Variants in HIBCH observed in about 807,000 individuals in gnomAD.
The protein encoded by HIBCH is 3-hydroxyisobutyryl-CoA hydrolase, mitochondrial.
In HIBCH, 50 loss-of-function variants were observed where a neutral mutation model predicts 58.2. The observed-to-expected ratio is 0.86, with a 90% CI of 0.68 to 1.09. The LOEUF (loss-of-function observed/expected upper bound fraction) is 1.09, where lower values mean the gene tolerates loss of function less well. HIBCH is among the 50% of genes least tolerant of loss of function. The pLI, the probability that HIBCH is intolerant of heterozygous loss-of-function variation, is 0.00. For synonymous variants in HIBCH, 151 were observed against 146.9 expected (o/e 1.03, Z -0.20); for missense variants, 450 against 449.7 (o/e 1.00, Z -0.01).
chr2:190,298,131 A>C (rs1000199767), intron 2 of HIBCH, among the ~76,000 whole-genome samples: 2 of 152,194 alleles, frequency 1.3e-5, no homozygotes, highest in African/African-American at 4.8e-5. Context: ...TATATGTGCC[A>C]CATTTTCTTT....
Position 190,319,793 on chromosome 2 carries a change from C to A in HIBCH, c.-43G>T. ...CTAAAGCAGCAGAGCGAGAATCTCC[C>A]GGACCGTTCCAGCGCCTCGCGTGAG... On this transcript the variant is annotated 5_prime_UTR_variant, in exon 1 of 14. Transcript: ENST00000359678. 2 of 1,596,624 alleles carry A rather than the reference C, an allele frequency of 1.3e-6. No individual in the cohort carries two copies. The highest frequency in any genetic ancestry group is 4.5e-5 in the East Asian group (2 of 44,362).
chr2:190,248,334 GTTTT>G (rs1006584003), intron 9 of HIBCH, among the ~76,000 whole-genome samples: 1 of 151,494 alleles, frequency 6.6e-6, no homozygotes, highest in Non-Finnish European at 1.5e-5. Flanking sequence ...ACGTCTATGG[GTTTT>G]TTTTTCTTCC....
At chr2:190,288,978 G>A (rs1687898877) in intron 5 of HIBCH, among the ~76,000 whole-genome samples, 2 of 152,084 alleles carry the variant, frequency 1.3e-5, no homozygotes, top group Non-Finnish European at 2.9e-5. Flanking sequence ...GGGTGTGGTG[G>A]TGCATGCCTG....
At chr2:190,221,132 T>C (rs1423315076) in intron 11 of HIBCH, among the ~76,000 whole-genome samples, 1 of 152,196 alleles carries the variant, frequency 6.6e-6, no homozygotes, top group African/African-American at 2.4e-5. Flanking sequence ...AAACTTTATT[T>C]AAAAAGTTCT....
rs1394369726 is a variant in HIBCH, at chr2:190,211,978, G to T, written c.1011+978C>A. Reference sequence around the variant, plus strand: ...AGTGGTCAAGAGTGCAGGCACTGGAGTAAGACTGCCTGGTTTCATATGCCA... The same window carrying T: ...AGTGGTCAAGAGTGCAGGCACTGGATTAAGACTGCCTGGTTTCATATGCCA... On this transcript the variant is annotated intron_variant, in intron 12 of 13. Coordinates refer to ENST00000359678, the MANE Select transcript of HIBCH (RefSeq NM_014362.4). This position sits in a 1 kb window ranked among gnomAD's most constrained non-coding sequence, Gnocchi z 5.0. Among the ~76,000 whole-genome samples the T allele has an allele frequency of 6.6e-6, 1 of 152,186 alleles. No individual in the cohort carries two copies. The highest frequency in any genetic ancestry group is 1.5e-5 in the Non-Finnish European group (1 of 68,040).
intron 1 of HIBCH, among the ~76,000 whole-genome samples, chr2:190,193,585 T>TATCA (rs1246347154): frequency 6.6e-6 from 1 of 152,180 alleles, no homozygotes; most frequent in African/African-American, 2.4e-5. Flanking sequence ...GATGTAGGGC[T>TATCA]ATCATTTTTT....
chr2:190,319,468 G>T (rs1688791355), intron 1 of HIBCH, among the ~76,000 whole-genome samples: 1 of 152,192 alleles, frequency 6.6e-6, no homozygotes, highest in African/African-American at 2.4e-5. Flanking sequence ...AGTCGTGTGG[G>T]GACAAGCCTG....
intron 5 of HIBCH, among the ~76,000 whole-genome samples, chr2:190,288,452 G>A (rs188185687): frequency 6.7e-6 from 1 of 150,008 alleles, no homozygotes; most frequent in Non-Finnish European, 1.5e-5. Context: ...ATTATTTCTG[G>A]AGAAACTTTT....
chr2:190,226,200 A>T (rs1685887083), intron 11 of HIBCH, among the ~76,000 whole-genome samples: 1 of 152,228 alleles, frequency 6.6e-6, no homozygotes, highest in Admixed American at 6.5e-5. Flanking sequence ...AACTGGCACA[A>T]GACAGGGATG....
At chr2:190,272,367 T>C (rs944699826) in intron 6 of HIBCH, among the ~76,000 whole-genome samples, 1 of 152,166 alleles carries the variant, frequency 6.6e-6, no homozygotes, top group South Asian at 2.1e-4. Context: ...CTCTAGTTAG[T>C]TTCGAAGCTC....
chr2:190,314,365 A>ATG (rs1688654165), intron 1 of HIBCH, among the ~76,000 whole-genome samples: 1 of 91,956 alleles, frequency 1.1e-5, no homozygotes, highest in African/African-American at 4.4e-5. Flanking sequence ...ATACGTATAT[A>ATG]TATACGTATA....
At chr2:190,255,800 G>GTCTCTTTTAAGTAC (rs1686901958) in intron 7 of HIBCH, among the ~76,000 whole-genome samples, 1 of 152,160 alleles carries the variant, frequency 6.6e-6, no homozygotes, top group Non-Finnish European at 1.5e-5. Context: ...TCTGCAGGGT[G>GTCTCTTTTAAGTAC]TCTCTTTTAA....
At chr2:190,280,606 C>T (rs1030281443) in intron 6 of HIBCH, among the ~76,000 whole-genome samples, 4 of 149,992 alleles carry the variant, frequency 2.7e-5, no homozygotes, top group African/African-American at 9.8e-5. Context: ...TGGTATATAA[C>T]CTTCCTCTAA....
intron 7 of HIBCH, among the ~76,000 whole-genome samples, 178 bp downstream of exon 7, chr2:190,260,978 T>C (rs1435577663): frequency 6.6e-6 from 1 of 152,234 alleles, no homozygotes; most frequent in African/African-American, 2.4e-5. Flanking sequence ...TTTTCAGATA[T>C]AATCATTGAG....
At chr2:190,314,314 TATATATGTATATATGTATATATAC>T in intron 1 of HIBCH, among the ~76,000 whole-genome samples, 1 of 9,494 alleles carries the variant, frequency 1.1e-4, no homozygotes, top group African/African-American at 1.3e-4. Flanking sequence ...TATATGTGTA[TATATATGTATATATGTATATATAC>T]ATATATATGT....
chr2:190,277,739 C>A (rs539091090), intron 6 of HIBCH, among the ~76,000 whole-genome samples: 1 of 152,306 alleles, frequency 6.6e-6, no homozygotes, highest in Admixed American at 6.5e-5. Context: ...AGACCACACC[C>A]ACAGAGAGTA....
intron 11 of HIBCH, among the ~76,000 whole-genome samples, chr2:190,221,305 T>C (rs1479757624): frequency 1.3e-5 from 2 of 152,206 alleles, no homozygotes; most frequent in East Asian, 1.9e-4. Context: ...TGACTGACCA[T>C]AGTATCCTCA....
intron 11 of HIBCH, among the ~76,000 whole-genome samples, chr2:190,227,194 G>C (rs1384416396): frequency 1.3e-5 from 2 of 152,212 alleles, no homozygotes; most frequent in South Asian, 4.1e-4. Flanking sequence ...CAAGGCTACA[G>C]TAACCCAAAC....
chr2:190,199,861 A>G (rs766328914), downstream of HIBCH: 4 of 1,613,276 alleles, frequency 2.5e-6, no homozygotes, highest in Non-Finnish European at 2.5e-6. Flanking sequence ...TCTTCATAAC[A>G]TGGGCTGCAT....
Sources: gnomAD v4.1 joint callset for allele counts (sites outside exome capture counted in the v4.1 genomes callset) on GRCh38, gnomAD v4.1.1 for gene constraint, Gnocchi (gnomAD v3.1) non-coding constraint, MANE v1.5 for transcripts, NCBI Gene and HGNC (gene_info 2026-07-23, HGNC 2026-07-21) for gene names.